Variants in TSC2 observed in about 807,000 individuals in gnomAD.
TSC2 encodes the protein tuberin.
In TSC2, 29 loss-of-function variants were observed where a neutral mutation model predicts 202.2. The observed-to-expected ratio is 0.14, with a 90% CI of 0.11 to 0.20. The LOEUF (loss-of-function observed/expected upper bound fraction) is 0.20. Ranked by LOEUF, TSC2 falls within the 10% of genes least tolerant of loss-of-function variation. TSC2 has a pLI of 1.00. For synonymous variants in TSC2, 1,349 were observed against 1,044.0 expected, an observed-to-expected ratio of 1.29 and a Z score of -5.63; for missense variants, 2,429 against 2,420.0, an observed-to-expected ratio of 1.00 and a Z score of -0.08.
In TSC2 at chr16:2,059,840, T is replaced by C. The variant is rs143004961; in HGVS notation, c.976-830T>C. ...GGCCAAGGCTAATGTTTTGTATTTT[T>C]ATTAGAGATGGGGTTTCACCATGTT... On this transcript the variant is annotated intron_variant, in intron 10 of 41. Coordinates refer to ENST00000219476, the MANE Select transcript of TSC2 (RefSeq NM_000548.5). 6.3e-4 allele frequency among the ~76,000 whole-genome samples: 96 copies of C among 152,242 alleles called. No homozygotes were observed. In the South Asian group the frequency reaches 6.4e-3, roughly 10 times the overall value.
rs2090497403 is a variant in TSC2 at position 2,084,363 on chromosome 16, C to A, written c.4141C>A (p.Pro1381Thr). 1.2e-6 allele frequency: 2 copies of A among 1,612,622 alleles called. No homozygotes were observed. Among genetic ancestry groups the A allele is most frequent in the Non-Finnish European group, 1.7e-6 (2 of 1,179,984 alleles). ...GGACCTCTCCTTCCAGCCCTCGCAG[C>A]CCCTGAGCAAGTCCAGCTCCTCTCC... ...SVDLSFQPSQ[P>T]LSKSSSSPEL... Residue 1381 changes from proline to threonine, a missense_variant, in exon 34 of 42, where the codon CCC becomes ACC. Pro to Thr is a conservative substitution (Grantham distance 38). Transcript: ENST00000219476.
rs2085679383 is a variant in TSC2 at position 2,055,525 on chromosome 16, A to G, written c.599+6A>G. The stretch of plus-strand genomic sequence containing the variant: ...TACATCGCAAGGATGGTTCAGTAAG[A>G]AAAGAATTGAGATCCTGTTCTGATA... On this transcript the variant is annotated splice_donor_region_variant and intron_variant, in intron 6 of 41. Transcript: ENST00000219476. 1.2e-6 allele frequency: 2 copies of G among 1,610,702 alleles called. No homozygotes were observed. The highest frequency in any genetic ancestry group is 2.2e-5 in the East Asian group (1 of 44,856).
intron 17 of TSC2, 132 bp from the exon 18 acceptor site, chr16:2,071,378 G>A: frequency 1.2e-6 from 1 of 829,650 alleles, no homozygotes; most frequent in South Asian, 1.4e-5. Context: ...TTGGGATGTG[G>A]GTGTGTGCAC....
Position 2,060,717 on chromosome 16 carries a change from C to A in TSC2, c.1023C>A (p.Ser341=). The A allele has an allele frequency of 6.2e-7, 1 of 1,614,112 alleles. No homozygotes were observed. Among genetic ancestry groups the A allele is most frequent in the Non-Finnish European group, 8.5e-7 (1 of 1,180,020 alleles). ...TGGTGTCCTATGAGATCGTCCTGTC[C>A]ATCACCAGGCTCATCAAGAAGTATA... ...NEVVSYEIVL[S]ITRLIKKYRK... is the part of the protein sequence containing the mutation. The change falls in exon 11 of 42, where the codon TCC becomes TCA. Residue 341 remains serine (S), a synonymous_variant. Coordinates refer to ENST00000219476, the MANE Select transcript of TSC2 (RefSeq NM_000548.5).
At chr16:2,084,159 C>G in intron 33 of TSC2, 69 bp from the exon 34 acceptor site, 1 of 1,549,828 alleles carries the variant, frequency 6.5e-7, no homozygotes, top group Non-Finnish European at 8.7e-7. Context: ...CTCACCACCT[C>G]CAGGTCAACC....
chr16:2,063,049 A>G lies in TSC2; in HGVS notation c.1439A>G (p.Tyr480Cys), dbSNP rs2086832697. The G allele has an allele frequency of 1.9e-6, 3 of 1,551,420 alleles. No individual in the cohort carries two copies. The highest frequency in any genetic ancestry group is 2.6e-6 in the Non-Finnish European group (3 of 1,146,892). The change falls in exon 14 of 42, where the codon TAT becomes TGT. Residue 480 changes from tyrosine to cysteine, a missense_variant. Transcript: ENST00000219476. Reference sequence around the variant, plus strand: ...GTGCTGCTCATCAACAGGCAGTTCTATGAGGTGCGTGTCCAGGCGGCCGCA... The same window carrying G: ...GTGCTGCTCATCAACAGGCAGTTCTGTGAGGTGCGTGTCCAGGCGGCCGCA... ...SFVLLINRQF[Y>C]EEELINSVVI...
chr16:2,080,704 T>G (rs2090035437), intron 30 of TSC2: 1 of 331,390 alleles, frequency 3.0e-6, no homozygotes, highest in Non-Finnish European at 5.8e-6. Flanking sequence ...CAGGATGGTC[T>G]CAATCTCCTG....
In TSC2 at chr16:2,055,179, GC is replaced by G. The variant is rs1384090071; in HGVS notation, c.482-219del. 8.0e-6 allele frequency: 5 copies of G among 626,122 alleles called. No individual in the cohort carries two copies. The African/African-American group carries it at 9.0e-5, about 11-fold the overall frequency. The allele number at this position is 626,122 out of a possible 1,614,324, so 38.8% of individuals were successfully genotyped here. On this transcript the variant is annotated intron_variant, in intron 5 of 41. Coordinates refer to ENST00000219476, the MANE Select transcript of TSC2 (RefSeq NM_000548.5). ...CGCCTCGGCACAGACCCTCTGTGCAGCCCCAGGGGCGGTAGATCCTAGTGTC... is the reference window on the plus strand; with the variant it reads ...CGCCTCGGCACAGACCCTCTGTGCAGCCCAGGGGCGGTAGATCCTAGTGTC...
intron 34 of TSC2, 40 bp downstream of exon 34, chr16:2,084,755 C>A (rs771538426): frequency 1.3e-6 from 2 of 1,598,354 alleles, no homozygotes; most frequent in South Asian, 2.2e-5. Context: ...TGACACCTCT[C>A]CTGCGGGAAC....
intron 16 of TSC2, among the ~76,000 whole-genome samples, chr16:2,067,736 C>G (rs1296250486): frequency 6.6e-6 from 1 of 152,200 alleles, no homozygotes; most frequent in African/African-American, 2.4e-5. Flanking sequence ...CGCCATTGCA[C>G]TCCAGCCTAG....
At chr16:2,081,294 T>C (rs1002246031) in intron 30 of TSC2, 3 of 458,826 alleles carry the variant, frequency 6.5e-6, no homozygotes, top group Admixed American at 3.4e-5. Flanking sequence ...GTGCCGTGGC[T>C]GAGGGGTGCA....
Position 2,055,988 on chromosome 16 carries a change from A to C in TSC2, c.600-208A>C, listed in dbSNP as rs2085760911. The stretch of plus-strand genomic sequence containing the variant: ...TTTTGTTGTTTGTTTAGAATGTTGC[A>C]TGAGCTCTGTCTCACTCATGCTGAA... On this transcript the variant is annotated intron_variant, in intron 6 of 41. Transcript: ENST00000219476. 7.6e-6 allele frequency: 5 copies of C among 657,852 alleles called. No individual in the cohort carries two copies. In the Admixed American group the frequency reaches 1.1e-4, roughly 14 times the overall value. 40.8% of individuals were successfully genotyped at this position (657,852 alleles called of 1,614,324 possible). A position where few individuals can be genotyped will look rare whatever the true frequency, so the allele number is the denominator to read the frequency against.
At chr16:2,073,063 C>T (rs1327822544) in intron 21 of TSC2, 80 bp downstream of exon 21, 6 of 1,600,764 alleles carry the variant, frequency 3.7e-6, no homozygotes, top group Middle Eastern at 1.7e-4. Context: ...CCACATTTTT[C>T]TCATAAACGA....
Position 2,060,074 on chromosome 16 carries a change from C to G in TSC2, c.976-596C>G, listed in dbSNP as rs1463068063. ...AGCCGTTCTCTTGCTGTTGGCGGCT[C>G]TGTTTTGTCAAGTGCTGGTCTTGTC... is the stretch of plus-strand genomic sequence containing the variant. On this transcript the variant is annotated intron_variant, in intron 10 of 41. Transcript: ENST00000219476. Among the ~76,000 whole-genome samples, 4 of 152,164 alleles carry G rather than the reference C, an allele frequency of 2.6e-5. 1 individual carries two copies. The highest frequency in any genetic ancestry group is 2.6e-4 in the Admixed American group (4 of 15,286).
chr16:2,060,147 A>C (rs1275587393), intron 10 of TSC2, among the ~76,000 whole-genome samples: 1 of 150,888 alleles, frequency 6.6e-6, no homozygotes, highest in Non-Finnish European at 1.5e-5. Context: ...GTACAGCTTC[A>C]GTTTCCGCAG....
intron 16 of TSC2, 134 bp downstream of exon 16, chr16:2,065,769 C>G: frequency 1.3e-6 from 1 of 796,098 alleles, no homozygotes; most frequent in Non-Finnish European, 2.2e-6. Flanking sequence ...GTGCGGTGGT[C>G]TCAGCAGGCA....
intron 1 of TSC2, 114 bp downstream of exon 1, chr16:2,048,179 C>T (rs1039453192): frequency 3.9e-6 from 6 of 1,534,986 alleles, no homozygotes; most frequent in Middle Eastern, 1.7e-4. Context: ...TGCAACCCGA[C>T]TCCGGAGCTC....
In TSC2 at chr16:2,064,390, C is replaced by G. The variant is rs1378972928; in HGVS notation, c.1562C>G (p.Thr521Arg). 6.2e-7 allele frequency: 1 copy of G among 1,613,632 alleles called. No individual in the cohort carries two copies. Among genetic ancestry groups the G allele is most frequent in the Non-Finnish European group, 8.5e-7 (1 of 1,180,044 alleles). The change falls in exon 15 of 42, where the codon ACA (threonine) becomes AGA (arginine). Residue 521 changes from threonine (T) to arginine (R), a missense_variant. Thr to Arg is a moderately conservative substitution (Grantham distance 71, BLOSUM62 -1). Coordinates refer to ENST00000219476, the MANE Select transcript of TSC2 (RefSeq NM_000548.5). ...GTGGACCTGGCAGAGGGCTGCCACA[C>G]ACACCACTTCAACAGCCTGCTGGAC... Reference protein sequence around the residue: ...LLVDLAEGCHTHHFNSLLDII... With the variant: ...LLVDLAEGCHRHHFNSLLDII...
At chr16:2,062,878 C>A in intron 13 of TSC2, 94 bp from the exon 14 acceptor site, 1 of 1,413,010 alleles carries the variant, frequency 7.1e-7, no homozygotes, top group Non-Finnish European at 9.7e-7. Context: ...CGCGGGAGGA[C>A]CCAGAGTCGG....
Sources: allele counts gnomAD v4.1 joint callset (sites outside exome capture counted in the v4.1 genomes callset), GRCh38; gene constraint gnomAD v4.1.1; transcripts MANE v1.5; gene names NCBI Gene and HGNC (gene_info 2026-07-23, HGNC 2026-07-21).